Variants in STXBP4 observed in about 807,000 individuals in gnomAD.
STXBP4 encodes syntaxin-binding protein 4.
Under a neutral mutation model 76.1 loss-of-function variants are expected in STXBP4, and 55 were observed. The observed-to-expected ratio is 0.72, with a 90% CI of 0.58 to 0.91. The LOEUF (loss-of-function observed/expected upper bound fraction) is 0.91, where lower values mean the gene tolerates loss of function less well. Among genes scored for constraint, STXBP4 ranks in the 40% least tolerant of loss-of-function variants. The pLI, the probability that STXBP4 is intolerant of heterozygous loss-of-function variation, is 0.00. For synonymous variants in STXBP4, 201 were observed against 220.2 expected, an observed-to-expected ratio of 0.91 and a Z score of 0.77; for missense variants, 618 against 636.9, an observed-to-expected ratio of 0.97 and a Z score of 0.32.
At chr17:55,110,989 C>T (rs1440593744) in intron 16 of STXBP4, among the ~76,000 whole-genome samples, 1 of 152,084 alleles carries the variant, frequency 6.6e-6, no homozygotes, top group African/African-American at 2.4e-5. Context: ...CTGGCTAGCA[C>T]TAGGGTGTAA....
rs1399585702 is a variant in STXBP4, at chr17:55,170,606, T to C, written c.*10695T>C. 1 of 152,232 alleles carries C rather than the reference T, an allele frequency of 6.6e-6. No individual in the cohort carries two copies. Among genetic ancestry groups the C allele is most frequent in the Non-Finnish European group, 1.5e-5 (1 of 68,032 alleles). 9.4% of individuals were successfully genotyped at this position (152,232 alleles called of 1,614,324 possible). On this transcript the variant is annotated 3_prime_UTR_variant, in exon 18 of 18. Coordinates refer to ENST00000376352, the MANE Select transcript of STXBP4 (RefSeq NM_178509.6). ...TATTTTTATTTCCACTTATATTTTCTAGGATTATTTTGCTTTAGAATTCTA... is the reference window on the plus strand; with the variant it reads ...TATTTTTATTTCCACTTATATTTTCCAGGATTATTTTGCTTTAGAATTCTA...
chr17:55,030,558 A>T (rs1484777), intron 8 of STXBP4, among the ~76,000 whole-genome samples: 1 of 152,218 alleles, frequency 6.6e-6, no homozygotes, highest in Non-Finnish European at 1.5e-5. Flanking sequence ...ACTAAGGAGC[A>T]AGGAGAGAAT....
At chr17:55,079,162 G>A (rs180796105) in intron 15 of STXBP4, among the ~76,000 whole-genome samples, 10 of 152,108 alleles carry the variant, frequency 6.6e-5, no homozygotes, top group Middle Eastern at 3.4e-3. Context: ...ATTTTCTTTC[G>A]TTTTCATCTT....
In STXBP4 at chr17:55,122,457, A is replaced by G. The variant is rs80001579; in HGVS notation, c.1490-18853A>G. On this transcript the variant is annotated intron_variant, in intron 16 of 17. Coordinates refer to ENST00000376352, the MANE Select transcript of STXBP4 (RefSeq NM_178509.6). Reference sequence around the variant, plus strand: ...GCAGATGAAAAGAAAGAGTAACTCTAGGAAGAGATAAATGAAGGAATGGAG... The same window carrying G: ...GCAGATGAAAAGAAAGAGTAACTCTGGGAAGAGATAAATGAAGGAATGGAG... Among the ~76,000 whole-genome samples the G allele has an allele frequency of 1.3e-3, 200 of 152,368 alleles. 1 individual carries two copies. The highest frequency in any genetic ancestry group is 4.4e-3 in the African/African-American group (181 of 41,592).
intron 16 of STXBP4, among the ~76,000 whole-genome samples, chr17:55,103,479 A>T (rs558201029): frequency 6.6e-6 from 1 of 151,132 alleles, no homozygotes; most frequent in Non-Finnish European, 1.5e-5. Flanking sequence ...GTTCTGTTCC[A>T]TTGGTCTATA....
At chr17:55,063,861 G>A (rs998021944) in intron 12 of STXBP4, among the ~76,000 whole-genome samples, 1 of 152,082 alleles carries the variant, frequency 6.6e-6, no homozygotes, top group African/African-American at 2.4e-5. Flanking sequence ...ATCTTTAAGG[G>A]TATATTTTAA....
chr17:55,195,125 C>T, the STXBP4 span, among the ~76,000 whole-genome samples: 3 of 152,136 alleles, frequency 2.0e-5, no homozygotes, highest in Non-Finnish European at 2.9e-5. Context: ...CAACAGTCAG[C>T]GTGTACATTG....
chr17:55,138,454 A>G (rs1338620403), intron 16 of STXBP4, among the ~76,000 whole-genome samples: 2 of 152,014 alleles, frequency 1.3e-5, no homozygotes, highest in East Asian at 3.8e-4. Flanking sequence ...TGTGTTTAAG[A>G]CTCTTACTTT....
At chr17:55,201,722 A>C in the STXBP4 span, among the ~76,000 whole-genome samples, 30,420 of 152,120 alleles carry the variant, frequency 0.2, 3,611 homozygotes, top group East Asian at 0.53. Context: ...GGTAAGTCTC[A>C]CTAGGAGATC....
the STXBP4 span, among the ~76,000 whole-genome samples, chr17:55,212,148 T>C: frequency 6.6e-6 from 1 of 152,108 alleles, no homozygotes; most frequent in Admixed American, 6.5e-5. Context: ...ACTTAGCACT[T>C]GGGAACATAA....
intron 9 of STXBP4, 105 bp downstream of exon 9, chr17:55,031,369 A>G (rs568321606): frequency 4.4e-6 from 4 of 915,658 alleles, no homozygotes; most frequent in African/African-American, 1.7e-5. Flanking sequence ...AGAGAATGAA[A>G]AGTAAAACTA....
the STXBP4 span, among the ~76,000 whole-genome samples, chr17:55,188,651 C>T: frequency 0.51 from 78,145 of 152,016 alleles, 20,986 homozygotes; most frequent in South Asian, 0.61. Flanking sequence ...GTGGCCACTC[C>T]TGATTTTAAA....
chr17:55,205,263 G>A, the STXBP4 span, among the ~76,000 whole-genome samples: 1 of 151,534 alleles, frequency 6.6e-6, no homozygotes, highest in African/African-American at 2.4e-5. Flanking sequence ...AAGAGATGTT[G>A]GTTATATTAT....
intron 12 of STXBP4, among the ~76,000 whole-genome samples, chr17:55,062,171 T>G (rs1420819096): frequency 6.6e-6 from 1 of 152,050 alleles, no homozygotes. Context: ...ACACGTGCCA[T>G]GGTGGTTTGC....
chr17:55,150,314 A>AC (rs2080201250), intron 17 of STXBP4, among the ~76,000 whole-genome samples: 1 of 152,110 alleles, frequency 6.6e-6, no homozygotes, highest in African/African-American at 2.4e-5. Flanking sequence ...CTAGATGCCT[A>AC]CCTCTGGCTG....
At chr17:55,061,050 A>G (rs529432406) in intron 12 of STXBP4, among the ~76,000 whole-genome samples, 23 of 152,294 alleles carry the variant, frequency 1.5e-4, no homozygotes, top group Admixed American at 9.2e-4. Context: ...ACCTGTGTAA[A>G]GGTTGAGTTC....
At chr17:55,189,497 T>A in the STXBP4 span, among the ~76,000 whole-genome samples, 21 of 152,234 alleles carry the variant, frequency 1.4e-4, no homozygotes, top group Non-Finnish European at 2.5e-4. Context: ...AACCTTTCCA[T>A]CAACAAGCAT....
chr17:55,104,676 T>A (rs965531698), intron 16 of STXBP4, among the ~76,000 whole-genome samples: 1 of 152,176 alleles, frequency 6.6e-6, no homozygotes. Context: ...CTTTTTCTTT[T>A]GTTTGGGAAA....
At chr17:55,024,651 A>T (rs2144645862) in intron 8 of STXBP4, among the ~76,000 whole-genome samples, 1 of 152,314 alleles carries the variant, frequency 6.6e-6, no homozygotes, top group East Asian at 1.9e-4. Context: ...TGACCAATAG[A>T]TACAAGAATA....
Sources: allele counts gnomAD v4.1 joint callset (sites outside exome capture counted in the v4.1 genomes callset), GRCh38; gene constraint gnomAD v4.1.1; transcripts MANE v1.5; gene names NCBI Gene and HGNC (gene_info 2026-07-23, HGNC 2026-07-21).